SCOC: variants seen among roughly 807,000 people sequenced by gnomAD.
The protein encoded by SCOC is short coiled-coil protein, also known as short coiled coil protein.
A neutral mutation model predicts 9.9 loss-of-function variants in SCOC; 7 were observed. The ratio of observed to expected loss-of-function variants is 0.71; its 90% CI spans 0.40 to 1.33. The LOEUF (loss-of-function observed/expected upper bound fraction) is 1.33. Ranked by LOEUF, SCOC falls within the 40% of genes most tolerant of loss-of-function variation. SCOC has a pLI of 0.01. For synonymous variants in SCOC, 19 were observed against 28.2 expected (o/e 0.67, Z 1.03); for missense variants, 66 against 89.7 (o/e 0.74, Z 1.07).
intron 1 of SCOC, among the ~76,000 whole-genome samples, chr4:140,316,233 A>T (rs1172063183): frequency 2.0e-5 from 3 of 152,120 alleles, no homozygotes; most frequent in East Asian, 1.9e-4. Context: ...TCAGATGCTT[A>T]TGTGTGTTTC....
intron 1 of SCOC, among the ~76,000 whole-genome samples, chr4:140,306,241 G>C (rs540529810): frequency 2.6e-5 from 4 of 152,188 alleles, no homozygotes; most frequent in African/African-American, 9.6e-5. Context: ...AAAACCATCA[G>C]ATCTCGTGAG....
intron 1 of SCOC, among the ~76,000 whole-genome samples, chr4:140,322,931 C>A (rs951615737): frequency 6.6e-6 from 1 of 151,982 alleles, no homozygotes; most frequent in African/African-American, 2.4e-5. Context: ...CCACCACAGG[C>A]CCAGAGTGCT....
chr4:140,310,158 A>T (rs1275536255), intron 1 of SCOC, among the ~76,000 whole-genome samples: 4 of 152,234 alleles, frequency 2.6e-5, no homozygotes, highest in Non-Finnish European at 5.9e-5. Flanking sequence ...ATTTTAAAAA[A>T]ATCTTTGTCA....
chr4:140,330,038 A>G (rs1732766127), intron 1 of SCOC, among the ~76,000 whole-genome samples: 1 of 152,208 alleles, frequency 6.6e-6, no homozygotes, highest in African/African-American at 2.4e-5. Flanking sequence ...CAATTGCAAA[A>G]ATATGAAACC....
At chr4:140,376,182 A>G (rs951113273) in intron 1 of SCOC, among the ~76,000 whole-genome samples, 1 of 152,220 alleles carries the variant, frequency 6.6e-6, no homozygotes, top group Admixed American at 6.5e-5. Flanking sequence ...ATACTATTTT[A>G]AAAGAAAAAA....
At chr4:140,298,841 G>A (rs1473533891) in intron 1 of SCOC, among the ~76,000 whole-genome samples, 1 of 151,892 alleles carries the variant, frequency 6.6e-6, no homozygotes, top group Non-Finnish European at 1.5e-5. Context: ...TCTGAGACAG[G>A]GCTTTACTCT....
intron 1 of SCOC, among the ~76,000 whole-genome samples, chr4:140,320,095 T>C (rs1334162407): frequency 6.6e-6 from 1 of 152,186 alleles, no homozygotes; most frequent in Middle Eastern, 3.4e-3. Flanking sequence ...CAGGATGAGA[T>C]AGGAGGTCTG....
In SCOC at chr4:140,319,167, C is replaced by G. The variant is rs539897081; in HGVS notation, c.-18-24454C>G. Among the ~76,000 whole-genome samples, 20 of 152,288 alleles carry G rather than the reference C, an allele frequency of 1.3e-4. No individual in the cohort carries two copies. The South Asian group carries it at 3.9e-3, about 30-fold the overall frequency. On this transcript the variant is annotated intron_variant, in intron 1 of 4. Coordinates refer to the SCOC transcript ENST00000394205. ...AGTGCAACCACACAACCTTGGCTCACTGCAACCTCTGCCTCCCAGGTTCAA... is the reference window on the plus strand; with the variant it reads ...AGTGCAACCACACAACCTTGGCTCAGTGCAACCTCTGCCTCCCAGGTTCAA...
At chr4:140,333,750 G>A (rs1046377221) in intron 1 of SCOC, among the ~76,000 whole-genome samples, 1 of 152,088 alleles carries the variant, frequency 6.6e-6, no homozygotes, top group Non-Finnish European at 1.5e-5. Flanking sequence ...TGATGAATGT[G>A]GAATGAAATC....
rs111551814 is a variant in SCOC at position 140,270,061 on chromosome 4, C to T, written c.-19+12651C>T. 5.6e-3 allele frequency among the ~76,000 whole-genome samples: 848 copies of T among 152,196 alleles called. 6 individuals are homozygous for T. The highest frequency in any genetic ancestry group is 0.019 in the African/African-American group (785 of 41,528). ...CCACCATGCCCAGACTAGTCACAAACGTATCTTAATAGGTAGAGTTCACTA... is the reference window on the plus strand; with the variant it reads ...CCACCATGCCCAGACTAGTCACAAATGTATCTTAATAGGTAGAGTTCACTA... On this transcript the variant is annotated intron_variant, in intron 1 of 4. Transcript: ENST00000394205.
intron 1 of SCOC, 137 bp downstream of exon 1, chr4:140,373,854 G>T: frequency 1.0e-6 from 1 of 973,646 alleles, no homozygotes. Context: ...GCGGTCTCGG[G>T]CCTGGGCATT....
intron 1 of SCOC, among the ~76,000 whole-genome samples, chr4:140,299,182 A>C (rs959162305): frequency 1.3e-5 from 2 of 152,192 alleles, no homozygotes; most frequent in Non-Finnish European, 2.9e-5. Flanking sequence ...GTTACGTGAG[A>C]AATTTTAATG....
chr4:140,298,735 T>G (rs1036991122), intron 1 of SCOC, among the ~76,000 whole-genome samples: 1 of 152,230 alleles, frequency 6.6e-6, no homozygotes, highest in African/African-American at 2.4e-5. Context: ...GTGAAGTGAC[T>G]GAATAGAGGG....
intron 1 of SCOC, among the ~76,000 whole-genome samples, chr4:140,272,117 T>A (rs1730859482): frequency 4.6e-5 from 7 of 151,176 alleles, no homozygotes; most frequent in Admixed American, 1.3e-4. Context: ...AGTACAGTGG[T>A]GTGATCATGG....
chr4:140,279,371 C>T (rs1197943609), intron 1 of SCOC, among the ~76,000 whole-genome samples: 1 of 152,172 alleles, frequency 6.6e-6, no homozygotes, highest in Non-Finnish European at 1.5e-5. Context: ...TCACCAACTA[C>T]AAGGGCCATG....
At chr4:140,325,886 T>C (rs1277475132) in intron 1 of SCOC, among the ~76,000 whole-genome samples, 1 of 152,192 alleles carries the variant, frequency 6.6e-6, no homozygotes, top group East Asian at 1.9e-4. Context: ...TAAAAATGTG[T>C]ATAACAACTT....
At chr4:140,305,287 A>G (rs1014649160) in intron 1 of SCOC, among the ~76,000 whole-genome samples, 7 of 152,164 alleles carry the variant, frequency 4.6e-5, no homozygotes, top group African/African-American at 1.7e-4. Flanking sequence ...AAATAGGTAT[A>G]CGCCTAGTCT....
In SCOC at chr4:140,383,732, T is replaced by C. The variant is rs150976444; in HGVS notation, c.*2628T>C. The C allele has an allele frequency of 6.6e-6, 1 of 152,348 alleles. No homozygotes were observed. Among genetic ancestry groups the C allele is most frequent in the Non-Finnish European group, 1.5e-5 (1 of 68,032 alleles). The allele number at this position is 152,348 out of a possible 1,614,324, so 9.4% of individuals were successfully genotyped here. ...GGTGTGAATTTGGTGCCCATCATTT[T>C]AAGGCCAAGCTCATGTTTCTGTGGA... On this transcript the variant is annotated 3_prime_UTR_variant, in exon 4 of 4. Transcript: ENST00000608372.
At chr4:140,265,179 TTTTAAAAAGGAGG>T (rs1385584827) in intron 1 of SCOC, among the ~76,000 whole-genome samples, 1 of 152,184 alleles carries the variant, frequency 6.6e-6, no homozygotes, top group African/African-American at 2.4e-5. Context: ...AAAACAGTTG[TTTTAAAAAGGAGG>T]TTTAGCTGTG....
Sources: gnomAD v4.1 joint callset for allele counts (sites outside exome capture counted in the v4.1 genomes callset) on GRCh38, gnomAD v4.1.1 for gene constraint, MANE v1.5 for transcripts, NCBI Gene and HGNC (gene_info 2026-07-23, HGNC 2026-07-21) for gene names.